The following NEO1 variants were observed in gnomAD, a reference collection of about 807,000 sequenced individuals.
NEO1 encodes neogenin.
NEO1 carries 63 observed loss-of-function variants against 159.7 expected under a neutral mutation model. That is an observed-to-expected ratio of 0.39 (90% CI 0.32 to 0.49). The LOEUF is 0.49. Among genes scored for constraint, NEO1 ranks in the 20% least tolerant of loss-of-function variants. The pLI is 0.85. For synonymous variants in NEO1, 633 were observed against 662.0 expected (o/e 0.96, Z 0.67); for missense variants, 1,615 against 1,831.0 (o/e 0.88, Z 2.15).
chr15:73,067,452 CTT>C (rs11330606), intron 1 of NEO1, among the ~76,000 whole-genome samples: 30 of 137,554 alleles, frequency 2.2e-4, no homozygotes, highest in Middle Eastern at 3.8e-3. Context: ...GCTTTTCTTT[CTT>C]TTTTTTTTTT....
chr15:73,172,871 T>A (rs570343595), intron 5 of NEO1, among the ~76,000 whole-genome samples: 86 of 152,292 alleles, frequency 5.6e-4, no homozygotes, highest in South Asian at 1.5e-3. Context: ...AGAGGGGACT[T>A]TCTTATGTTG....
intron 1 of NEO1, among the ~76,000 whole-genome samples, chr15:73,077,695 C>T (rs1305866459): frequency 1.3e-5 from 2 of 152,162 alleles, no homozygotes; most frequent in Admixed American, 1.3e-4. Flanking sequence ...ATGTATGAGG[C>T]ACTGTGCTAG....
intron 7 of NEO1, among the ~76,000 whole-genome samples, chr15:73,213,434 T>C (rs1238627113): frequency 6.6e-6 from 1 of 152,050 alleles, no homozygotes; most frequent in African/African-American, 2.4e-5. Flanking sequence ...CCCACCATTC[T>C]CCCCAAGTCC....
In NEO1 at chr15:73,302,694, T is replaced by C; in HGVS notation, c.4384T>C (p.Ter1462ArgextTer20). 1 of 1,613,804 alleles carries C rather than the reference T, an allele frequency of 6.2e-7. No individual in the cohort carries two copies. Among genetic ancestry groups the C allele is most frequent in the Non-Finnish European group, 8.5e-7 (1 of 1,179,792 alleles). Residue 1462 changes from the stop codon to arginine, a stop_lost, in exon 29 of 29, where the codon TGA becomes CGA. Coordinates refer to ENST00000261908, the MANE Select transcript of NEO1 (RefSeq NM_002499.4). ...MKDLNAITTA[*>R] is the part of the protein sequence containing the mutation. ...GGACCTAAACGCTATCACAACAGCA[T>C]GACGACCTTCACCAGGACCTGACTT... is the stretch of plus-strand genomic sequence containing the variant.
intron 7 of NEO1, 131 bp downstream of exon 7, chr15:73,178,558 A>C: frequency 1.0e-6 from 1 of 954,648 alleles, no homozygotes; most frequent in Non-Finnish European, 1.5e-6. Context: ...GAGAAAAAGA[A>C]TAGCAGTCTA....
chr15:73,079,792 A>G (rs1160201471), intron 1 of NEO1, among the ~76,000 whole-genome samples: 1 of 152,188 alleles, frequency 6.6e-6, no homozygotes, highest in Non-Finnish European at 1.5e-5. Flanking sequence ...TTATTAGGAA[A>G]TGAGAACTTG....
At chr15:73,147,344 A>G (rs1036531817) in intron 5 of NEO1, among the ~76,000 whole-genome samples, 13 of 151,992 alleles carry the variant, frequency 8.6e-5, no homozygotes, top group African/African-American at 3.1e-4. Context: ...TCCTCCTTAG[A>G]TTATTTAAAT....
chr15:73,147,603 C>G (rs1262121520), intron 5 of NEO1, among the ~76,000 whole-genome samples: 1 of 152,128 alleles, frequency 6.6e-6, no homozygotes, highest in Non-Finnish European at 1.5e-5. Flanking sequence ...AATACGAGGA[C>G]AAAGTCATGT....
chr15:73,117,698 A>C (rs1370129835), intron 2 of NEO1, among the ~76,000 whole-genome samples: 1 of 152,218 alleles, frequency 6.6e-6, no homozygotes, highest in African/African-American at 2.4e-5. Flanking sequence ...TTGCTTATAC[A>C]TTCAGAGCAT....
At chr15:73,072,390 G>A (rs948825296) in intron 1 of NEO1, among the ~76,000 whole-genome samples, 11 of 152,054 alleles carry the variant, frequency 7.2e-5, no homozygotes, top group African/African-American at 2.2e-4. Context: ...ACTGTTGGAC[G>A]GAAGCAGGAA....
At chr15:73,086,309 A>T (rs1028029782) in intron 1 of NEO1, among the ~76,000 whole-genome samples, 2 of 152,064 alleles carry the variant, frequency 1.3e-5, no homozygotes, top group Admixed American at 6.6e-5. Flanking sequence ...TGCCTATCCC[A>T]CATTGTCTTG....
intron 1 of NEO1, among the ~76,000 whole-genome samples, chr15:73,102,702 C>T (rs1179283903): frequency 6.6e-6 from 1 of 152,150 alleles, no homozygotes; most frequent in Non-Finnish European, 1.5e-5. Flanking sequence ...CTTTCTCTGC[C>T]TGTCTCTTAA....
intron 5 of NEO1, among the ~76,000 whole-genome samples, chr15:73,172,339 A>G (rs1014136430): frequency 3.9e-5 from 6 of 152,220 alleles, no homozygotes; most frequent in African/African-American, 1.4e-4. Flanking sequence ...GAAATAATAT[A>G]ATATTAACTG....
Position 73,224,860 on chromosome 15 carries a change from G to T in NEO1, c.1292-11487G>T, listed in dbSNP as rs145303574. Among the ~76,000 whole-genome samples, 353 of 151,946 alleles carry T rather than the reference G, an allele frequency of 2.3e-3. 1 individual carries two copies. Among genetic ancestry groups the T allele is most frequent in the African/African-American group, 8.0e-3 (331 of 41,424 alleles). ...GCTGGTGAACTAGTATGATTTTTTG[G>T]GGGGGGTGTTAAAGAGCCTAGTTTT... On this transcript the variant is annotated intron_variant, in intron 7 of 28. Transcript: ENST00000261908.
chr15:73,206,948 G>A lies in NEO1; in HGVS notation c.1291+28521G>A, dbSNP rs964011856. ...AGCTCATTGCAGCTTTGAACTCCTG[G>A]GCTCAAGCAACAATCCCCCCATCTC... On this transcript the variant is annotated intron_variant, in intron 7 of 28. Transcript: ENST00000261908. Among the ~76,000 whole-genome samples, 11 of 152,122 alleles carry A rather than the reference G, an allele frequency of 7.2e-5. No individual in the cohort carries two copies. The South Asian group carries it at 2.3e-3, about 32-fold the overall frequency.
At chr15:73,224,632 T>A (rs940836057) in intron 7 of NEO1, among the ~76,000 whole-genome samples, 1 of 152,348 alleles carries the variant, frequency 6.6e-6, no homozygotes, top group Admixed American at 6.5e-5. Context: ...TTTGCATTTC[T>A]ATAAGTGTGT....
chr15:73,062,116 T>C (rs2068008594), intron 1 of NEO1, among the ~76,000 whole-genome samples: 1 of 152,216 alleles, frequency 6.6e-6, no homozygotes, highest in Admixed American at 6.5e-5. Flanking sequence ...AAACAGCTGA[T>C]TTACACTCCT....
chr15:73,081,861 A>G (rs2069067566), intron 1 of NEO1, among the ~76,000 whole-genome samples: 1 of 142,148 alleles, frequency 7.0e-6, no homozygotes, highest in African/African-American at 2.5e-5. Context: ...CCAGCCAAAT[A>G]CTAGTATTTT....
At chr15:73,067,900 G>A (rs548814565) in intron 1 of NEO1, among the ~76,000 whole-genome samples, 5 of 152,164 alleles carry the variant, frequency 3.3e-5, no homozygotes, top group African/African-American at 1.2e-4. Context: ...ACAGGTGTGA[G>A]CCACCACACT....
Sources: gnomAD v4.1 joint callset for allele counts (sites outside exome capture counted in the v4.1 genomes callset) on GRCh38, gnomAD v4.1.1 for gene constraint, MANE v1.5 for transcripts, NCBI Gene and HGNC (gene_info 2026-07-23, HGNC 2026-07-21) for gene names.